FDFT1: variants seen among roughly 807,000 people sequenced by gnomAD.
FDFT1 encodes the protein squalene synthase.
FDFT1 carries 68 observed loss-of-function variants against 46.8 expected under a neutral mutation model. The ratio of observed to expected loss-of-function variants is 1.45; its 90% confidence interval spans 1.19 to 1.78. The LOEUF (loss-of-function observed/expected upper bound fraction) is 1.78. FDFT1 is among the 40% of genes most tolerant of loss of function. FDFT1 has a pLI of 0.00. For synonymous variants in FDFT1, 351 were observed against 185.1 expected (o/e 1.90, Z -7.28); for missense variants, 928 against 524.4 (o/e 1.77, Z -7.52).
rs59018266 is a variant in FDFT1 at position 11,833,010 on chromosome 8, C to T, written c.1032+1340C>T. ...TGATTTCTCTTGCATATTGCACATT[C>T]TTCTTATACTTCCTCCCTACCTTTA... On this transcript the variant is annotated intron_variant, in intron 7 of 7. Transcript: ENST00000220584. Among the ~76,000 whole-genome samples the T allele has an allele frequency of 1.3e-3, 192 of 152,286 alleles. 1 individual carries two copies. Among genetic ancestry groups the T allele is most frequent in the African/African-American group, 3.8e-3 (159 of 41,542 alleles).
Position 11,830,307 on chromosome 8 carries a change from G to T in FDFT1, c.766G>T (p.Val256Leu), listed in dbSNP as rs570109609. 3 of 1,613,592 alleles carry T rather than the reference G, an allele frequency of 1.9e-6. No homozygotes were observed. Among genetic ancestry groups the T allele is most frequent in the Non-Finnish European group, 2.5e-6 (3 of 1,179,548 alleles). ...TAAGCCGGAGAATATTGACTTGGCC[G>T]TGCAGTGCCTGAATGAACTTATAAC... ...FAKPENIDLA[V>L]QCLNELITNA... Residue 256 changes from valine to leucine, a missense_variant, in exon 6 of 8, where the codon GTG becomes TTG. Coordinates refer to ENST00000220584, the MANE Select transcript of FDFT1 (RefSeq NM_004462.5).
At chr8:11,799,517 C>T (rs113097958), upstream of FDFT1, among the ~76,000 whole-genome samples, 282 of 152,258 alleles carry the variant, frequency 1.9e-3, no homozygotes, top group African/African-American at 6.4e-3. Flanking sequence ...GAGTCTGTTC[C>T]GTTAGTCTTA....
intron 6 of FDFT1, 143 bp from the exon 7 acceptor site, chr8:11,831,375 G>C (rs747141748): frequency 1.5e-6 from 1 of 652,340 alleles, no homozygotes; most frequent in East Asian, 2.7e-5. Context: ...TTTCTTCGTG[G>C]GTATTTTTTC....
chr8:11,810,389 G>T (rs1451503953), intron 3 of FDFT1, among the ~76,000 whole-genome samples: 1 of 152,194 alleles, frequency 6.6e-6, no homozygotes. Context: ...AGCCTGGCAT[G>T]GGGGCGGTGT....
intron 7 of FDFT1, among the ~76,000 whole-genome samples, chr8:11,832,968 T>C (rs1050328009): frequency 1.3e-5 from 2 of 152,230 alleles, no homozygotes; most frequent in African/African-American, 4.8e-5. Flanking sequence ...AATAGAATTA[T>C]ACAAAATAGC....
At chr8:11,802,410 C>T (rs544060324), upstream of FDFT1, 40 of 457,652 alleles carry the variant, frequency 8.7e-5, no homozygotes, top group South Asian at 4.2e-4. Flanking sequence ...TCCTAAGCCC[C>T]ACCGCCTCAC....
intron 5 of FDFT1, among the ~76,000 whole-genome samples, chr8:11,828,424 A>G (rs1028876513): frequency 6.6e-6 from 1 of 152,210 alleles, no homozygotes; most frequent in Admixed American, 6.5e-5. Flanking sequence ...TTTTGCAGAC[A>G]CAGGGCTCAG....
rs144208819 is a variant in FDFT1, at chr8:11,817,795, T to A, written c.382-3955T>A. 3.4e-3 allele frequency among the ~76,000 whole-genome samples: 515 copies of A among 151,320 alleles called. 3 individuals carry two copies. Among genetic ancestry groups the A allele is most frequent in the South Asian group, 9.6e-3 (46 of 4,776 alleles). On this transcript the variant is annotated intron_variant, in intron 3 of 7. Transcript: ENST00000220584. The stretch of plus-strand genomic sequence containing the variant: ...CGGTCTATCAATTTTGTTGATCTTT[T>A]CAAAAAACCAGCTCCTGGATTCATT...
Position 11,837,391 on chromosome 8 carries a change from C to T in FDFT1, c.1033-997C>T, listed in dbSNP as rs555582087. 2.6e-5 allele frequency among the ~76,000 whole-genome samples: 4 copies of T among 152,248 alleles called. No individual in the cohort carries two copies. The South Asian group carries it at 8.3e-4, about 32-fold the overall frequency. On this transcript the variant is annotated intron_variant, in intron 7 of 7. Coordinates refer to ENST00000220584, the MANE Select transcript of FDFT1 (RefSeq NM_004462.5). ...GGACCACAGGTGCATGCCACGATGCCCGGCTAATTTTTGTACATTTTGTAG... is the reference window on the plus strand; with the variant it reads ...GGACCACAGGTGCATGCCACGATGCTCGGCTAATTTTTGTACATTTTGTAG...
At chr8:11,837,610 T>C (rs2130917485) in intron 7 of FDFT1, among the ~76,000 whole-genome samples, 1 of 152,140 alleles carries the variant, frequency 6.6e-6, no homozygotes, top group Admixed American at 6.5e-5. Flanking sequence ...GTCTGGACCA[T>C]GGGTGGCCTT....
intron 5 of FDFT1, among the ~76,000 whole-genome samples, chr8:11,829,968 C>A (rs1050066493): frequency 2.0e-5 from 3 of 152,076 alleles, no homozygotes; most frequent in African/African-American, 7.3e-5. Context: ...CTGTCTCACC[C>A]TCCTGAGTAG....
chr8:11,819,059 ATC>A, intron 3 of FDFT1, among the ~76,000 whole-genome samples: 1 of 152,192 alleles, frequency 6.6e-6, no homozygotes, highest in South Asian at 2.1e-4. Context: ...TGGTGACAAA[ATC>A]TCTGAGCATT....
chr8:11,796,805 G>C (rs952341392), intron 1 of FDFT1, among the ~76,000 whole-genome samples: 2 of 152,254 alleles, frequency 1.3e-5, no homozygotes, highest in Non-Finnish European at 2.9e-5. Context: ...TAGCCCATGA[G>C]GGTTCCTGGC....
At chr8:11,835,173 A>G (rs1009912617) in intron 7 of FDFT1, among the ~76,000 whole-genome samples, 6 of 152,190 alleles carry the variant, frequency 3.9e-5, no homozygotes, top group Admixed American at 1.3e-4. Context: ...ATGTAGATGA[A>G]AAGTCGGCTA....
intron 3 of FDFT1, among the ~76,000 whole-genome samples, chr8:11,815,173 C>T (rs1808279462): frequency 6.6e-6 from 1 of 152,166 alleles, no homozygotes; most frequent in Non-Finnish European, 1.5e-5. Context: ...CCAGCTTCAT[C>T]CATGTCCCTG....
chr8:11,825,794 TG>T (rs1225484634), intron 4 of FDFT1, among the ~76,000 whole-genome samples: 2 of 152,124 alleles, frequency 1.3e-5, no homozygotes, highest in Non-Finnish European at 2.9e-5. Flanking sequence ...AAAATACAAG[TG>T]AAAAATAAAA....
At chr8:11,808,687 G>A (rs373307057) in intron 1 of FDFT1, 107 bp from the exon 2 acceptor site, 2 of 1,490,036 alleles carry the variant, frequency 1.3e-6, no homozygotes, top group African/African-American at 2.8e-5. Flanking sequence ...GAGGGCGGCA[G>A]GCTGTGGAGC....
chr8:11,829,310 A>C (rs1810447672), intron 5 of FDFT1, among the ~76,000 whole-genome samples: 1 of 152,210 alleles, frequency 6.6e-6, no homozygotes, highest in Admixed American at 6.5e-5. Flanking sequence ...TGTTTCCAGA[A>C]CTTTCGCTAG....
In FDFT1 at chr8:11,826,013, G is replaced by A. The variant is rs761840532; in HGVS notation, c.511-11G>A. 12 of 1,512,480 alleles carry A rather than the reference G, an allele frequency of 7.9e-6. No individual in the cohort carries two copies. The African/African-American group carries it at 8.3e-5, about 10-fold the overall frequency. The allele number at this position is 1,512,480 out of a possible 1,614,324, so 93.7% of individuals were successfully genotyped here. On this transcript the variant is annotated splice_polypyrimidine_tract_variant and intron_variant, in intron 4 of 7. Transcript: ENST00000220584. ...CCATTATTAAAGTGCTTTAAAAATC[G>A]TCTCTTACAGTACTGCCACTATGTT...
Sources: gnomAD v4.1 joint callset for allele counts (sites outside exome capture counted in the v4.1 genomes callset) on GRCh38, gnomAD v4.1.1 for gene constraint, MANE v1.5 for transcripts, NCBI Gene and HGNC (gene_info 2026-07-23, HGNC 2026-07-21) for gene names.